Variants in RHCE observed in about 807,000 individuals in gnomAD.
RHCE encodes the protein Rh blood group CcEe antigens.
RHCE carries 22 observed loss-of-function variants against 43.8 expected under a neutral mutation model. That is an observed-to-expected ratio of 0.50 (90% CI 0.36 to 0.72). The LOEUF (loss-of-function observed/expected upper bound fraction) is 0.72. RHCE is among the 30% of genes least tolerant of loss of function. The pLI, the probability that RHCE is intolerant of heterozygous loss-of-function variation, is 0.00. For missense variants in RHCE, 385 were observed against 525.4 expected (o/e 0.73, Z 2.61); for synonymous variants, 156 against 210.7 (o/e 0.74, Z 2.25).
chr1:25,388,525 G>T (rs1330236051), intron 6 of RHCE, among the ~76,000 whole-genome samples: 1 of 150,702 alleles, frequency 6.6e-6, no homozygotes, highest in East Asian at 2.0e-4. Flanking sequence ...CAGAGAATTT[G>T]GGATTGGGGC....
chr1:25,417,456 G>A (rs1290459441), intron 1 of RHCE, among the ~76,000 whole-genome samples: 1 of 152,272 alleles, frequency 6.6e-6, no homozygotes, highest in East Asian at 1.9e-4. Flanking sequence ...AAAAGGAAAG[G>A]CAGAGTGAAA....
chr1:25,362,334 A>C lies in RHCE; in HGVS notation c.*193T>G, dbSNP rs1645422841. 7.9e-7 allele frequency: 1 copy of C among 1,265,386 alleles called. No individual in the cohort carries two copies. Among genetic ancestry groups the C allele is most frequent in the Non-Finnish European group, 1.1e-6 (1 of 907,178 alleles). 78.4% of individuals were successfully genotyped at this position (1,265,386 alleles called of 1,614,324 possible). On this transcript the variant is annotated 3_prime_UTR_variant, in exon 10 of 10. Coordinates refer to ENST00000294413, the MANE Select transcript of RHCE (RefSeq NM_020485.8). ...CCTAATGAAACTAAACATTTATTTT[A>C]AACTTATTAAATTGACTCTTAAACT...
chr1:25,405,581 G>A (rs1382518223), intron 2 of RHCE, among the ~76,000 whole-genome samples: 3 of 146,372 alleles, frequency 2.0e-5, no homozygotes, highest in African/African-American at 7.3e-5. Context: ...TTGAGCCCAG[G>A]AGGCAGAGGC....
chr1:25,377,769 G>A (rs1329181833), intron 7 of RHCE, among the ~76,000 whole-genome samples: 1 of 152,168 alleles, frequency 6.6e-6, no homozygotes. Flanking sequence ...GGTGGGCATG[G>A]TGGCATGCAC....
chr1:25,369,723 T>A (rs1178588453), intron 9 of RHCE, among the ~76,000 whole-genome samples: 7 of 143,194 alleles, frequency 4.9e-5, no homozygotes, highest in Non-Finnish European at 9.1e-5. Flanking sequence ...ACTCACACAC[T>A]GTAAGAATTT....
chr1:25,384,024 C>T (rs1185650845), intron 7 of RHCE, among the ~76,000 whole-genome samples: 1 of 151,608 alleles, frequency 6.6e-6, no homozygotes, highest in Non-Finnish European at 1.5e-5. Flanking sequence ...TGCAAGAGAA[C>T]ACTTGTGGGG....
chr1:25,390,715 C>G, intron 5 of RHCE, 34 bp downstream of exon 5: 1 of 1,613,948 alleles, frequency 6.2e-7, no homozygotes, highest in South Asian at 1.1e-5. Context: ...TCCTGTTAGA[C>G]CCAAGTGCTG....
At chr1:25,373,483 C>A (rs1311464244) in intron 8 of RHCE, among the ~76,000 whole-genome samples, 1 of 151,802 alleles carries the variant, frequency 6.6e-6, no homozygotes, top group African/African-American at 2.4e-5. Context: ...TGCTTCTTCA[C>A]ACAGACTCTG....
chr1:25,424,295 G>A (rs1170288539), upstream of RHCE, among the ~76,000 whole-genome samples: 2 of 152,108 alleles, frequency 1.3e-5, no homozygotes, highest in African/African-American at 2.4e-5. Flanking sequence ...CGAAAGTCAA[G>A]GAACAACTGT....
upstream of RHCE, among the ~76,000 whole-genome samples, chr1:25,422,968 C>T (rs3866917): frequency 0.57 from 86,172 of 150,566 alleles, 25,489 homozygotes; most frequent in African/African-American, 0.73. Flanking sequence ...CGGTAGTGCT[C>T]GCTGGCCTAC....
intron 3 of RHCE, among the ~76,000 whole-genome samples, chr1:25,396,691 G>A (rs1646548370): frequency 6.6e-6 from 1 of 152,174 alleles, no homozygotes; most frequent in South Asian, 2.1e-4. Flanking sequence ...CCCACTCACT[G>A]TCACAAGAAC....
chr1:25,427,098 T>C (rs2042810323), intron 2 of RHCE, among the ~76,000 whole-genome samples: 1 of 151,322 alleles, frequency 6.6e-6, no homozygotes, highest in Non-Finnish European at 1.5e-5. Context: ...TACAGGTACA[T>C]GTGTTAAGAG....
chr1:25,400,738 C>T (rs920006005), intron 3 of RHCE, among the ~76,000 whole-genome samples: 14 of 151,816 alleles, frequency 9.2e-5, no homozygotes, highest in African/African-American at 3.4e-4. Flanking sequence ...AACGCTACCA[C>T]ATTCGACACT....
chr1:25,399,333 G>A, intron 3 of RHCE: 3 of 756,202 alleles, frequency 4.0e-6, no homozygotes, highest in Non-Finnish European at 6.9e-6. Flanking sequence ...TTAATCACAA[G>A]ATTATTTTCA....
At chr1:25,378,728 C>G (rs1645862359) in intron 7 of RHCE, among the ~76,000 whole-genome samples, 1 of 152,220 alleles carries the variant, frequency 6.6e-6, no homozygotes, top group South Asian at 2.1e-4. Context: ...CCAGTTCCCC[C>G]TCTCTTTCTG....
At chr1:25,378,691 A>G (rs537131503) in intron 7 of RHCE, among the ~76,000 whole-genome samples, 19 of 152,052 alleles carry the variant, frequency 1.2e-4, no homozygotes, top group African/African-American at 4.6e-4. Flanking sequence ...TTACTCTCCC[A>G]CCACTCTTTT....
intron 7 of RHCE, among the ~76,000 whole-genome samples, chr1:25,378,767 G>A (rs1645863774): frequency 6.6e-6 from 1 of 152,168 alleles, no homozygotes; most frequent in Non-Finnish European, 1.5e-5. Flanking sequence ...ACACAGTTTT[G>A]TGTGGCCCTG....
chr1:25,405,479 C>T (rs1209242046), intron 2 of RHCE, among the ~76,000 whole-genome samples: 2 of 152,052 alleles, frequency 1.3e-5, no homozygotes, highest in African/African-American at 2.4e-5. Context: ...CTGGTGAAAC[C>T]CCGTCTCTAC....
upstream of RHCE, among the ~76,000 whole-genome samples, chr1:25,423,302 G>C (rs1056089249): frequency 2.0e-5 from 3 of 152,182 alleles, no homozygotes; most frequent in Non-Finnish European, 2.9e-5. Flanking sequence ...CCTGGGCCCA[G>C]TACAAGCTCT....
Sources: allele counts gnomAD v4.1 joint callset (sites outside exome capture counted in the v4.1 genomes callset), GRCh38; gene constraint gnomAD v4.1.1; transcripts MANE v1.5; gene names NCBI Gene and HGNC (gene_info 2026-07-23, HGNC 2026-07-21).